CNTN3: variants seen among roughly 807,000 people sequenced by gnomAD.
The protein encoded by CNTN3 is contactin-3.
A neutral mutation model predicts 119.1 loss-of-function variants in CNTN3; 60 were observed. The observed-to-expected ratio is 0.50, with a 90% CI of 0.41 to 0.62. The LOEUF (loss-of-function observed/expected upper bound fraction) is 0.62. Among genes scored for constraint, CNTN3 ranks in the 20% least tolerant of loss-of-function variants. The probability of loss-of-function intolerance (pLI) is 0.00; values close to 1 mark genes in which losing one functional copy is unlikely to be tolerated. For synonymous variants in CNTN3, 450 were observed against 438.7 expected, an observed-to-expected ratio of 1.03 and a Z score of -0.32; for missense variants, 1,101 against 1,242.4, an observed-to-expected ratio of 0.89 and a Z score of 1.71.
At chr3:74,279,534 T>A (rs112453084) in intron 20 of CNTN3, among the ~76,000 whole-genome samples, 1 of 151,850 alleles carries the variant, frequency 6.6e-6, no homozygotes, top group Non-Finnish European at 1.5e-5. Context: ...ATGAAGTACC[T>A]CAGGAATGGA....
At chr3:74,301,315 C>T in intron 16 of CNTN3, 83 bp downstream of exon 16, 1 of 1,399,390 alleles carries the variant, frequency 7.1e-7, no homozygotes, top group South Asian at 1.3e-5. Flanking sequence ...GGCTGACCCC[C>T]TGCTGGCCTG....
At chr3:74,459,436 C>T (rs751702795) in intron 4 of CNTN3, among the ~76,000 whole-genome samples, 2 of 152,016 alleles carry the variant, frequency 1.3e-5, no homozygotes, top group Non-Finnish European at 2.9e-5. Flanking sequence ...GCTCACGCTC[C>T]TACTGACCTG....
At chr3:74,266,948 C>T (rs988711184) in intron 21 of CNTN3, among the ~76,000 whole-genome samples, 1 of 152,088 alleles carries the variant, frequency 6.6e-6, no homozygotes, top group African/African-American at 2.4e-5. Flanking sequence ...CCTTGAATGC[C>T]TGGCCATGGA....
intron 5 of CNTN3, among the ~76,000 whole-genome samples, chr3:74,401,329 T>C (rs1705185466): frequency 6.6e-6 from 1 of 152,124 alleles, no homozygotes; most frequent in South Asian, 2.1e-4. Context: ...GTAACAAAAC[T>C]AGTTTTCATA....
At chr3:74,401,515 C>CGCGT (rs1559583346) in intron 5 of CNTN3, among the ~76,000 whole-genome samples, 17 of 149,480 alleles carry the variant, frequency 1.1e-4, no homozygotes, top group South Asian at 2.1e-4. Context: ...CACGCGCGCA[C>CGCGT]GCACACACAC....
chr3:74,510,508 T>C (rs1703347007), intron 2 of CNTN3, among the ~76,000 whole-genome samples: 1 of 152,110 alleles, frequency 6.6e-6, no homozygotes, highest in Non-Finnish European at 1.5e-5. Context: ...AGTAATCTTT[T>C]GCAAACCTCA....
chr3:74,417,606 A>G (rs899674714), intron 5 of CNTN3, among the ~76,000 whole-genome samples: 2 of 152,202 alleles, frequency 1.3e-5, no homozygotes, highest in African/African-American at 4.8e-5. Context: ...GGCTCAATTA[A>G]TATTTTAAAT....
chr3:74,297,910 A>G (rs1484069687), intron 18 of CNTN3, 47 bp downstream of exon 18: 9 of 1,429,918 alleles, frequency 6.3e-6, no homozygotes, highest in Middle Eastern at 1.8e-4. Context: ...TTGGAGCACA[A>G]ATAATTATTA....
At chr3:74,464,027 T>G (rs1019979448) in intron 4 of CNTN3, among the ~76,000 whole-genome samples, 3 of 152,138 alleles carry the variant, frequency 2.0e-5, no homozygotes, top group Non-Finnish European at 4.4e-5. Context: ...TAGCTGGGCC[T>G]TAAATGCTCT....
At chr3:74,447,771 G>A (rs1702075607) in intron 4 of CNTN3, among the ~76,000 whole-genome samples, 1 of 152,156 alleles carries the variant, frequency 6.6e-6, no homozygotes, top group Non-Finnish European at 1.5e-5. Flanking sequence ...GAGTTCATAA[G>A]GGCCCGCTCT....
intron 13 of CNTN3, among the ~76,000 whole-genome samples, chr3:74,314,372 T>A (rs868786211): frequency 1.3e-5 from 2 of 152,186 alleles, no homozygotes; most frequent in African/African-American, 4.8e-5. Context: ...ATTGCCAGAA[T>A]GTATCAAAAA....
intron 1 of CNTN3, among the ~76,000 whole-genome samples, chr3:74,547,363 C>T (rs563000285): frequency 2.6e-5 from 4 of 152,196 alleles, no homozygotes; most frequent in Non-Finnish European, 4.4e-5. Flanking sequence ...TTTCGATAGC[C>T]GTCAGGTAAC....
chr3:74,358,593 T>TTGATTTA (rs1553649312), intron 11 of CNTN3, among the ~76,000 whole-genome samples: 17 of 98,660 alleles, frequency 1.7e-4, no homozygotes, highest in Non-Finnish European at 1.8e-4. Context: ...TTTTTTTTTT[T>TTGATTTA]TTGATTTATT....
chr3:74,563,760 T>C (rs1704187702), intron 1 of CNTN3, among the ~76,000 whole-genome samples: 1 of 152,156 alleles, frequency 6.6e-6, no homozygotes, highest in African/African-American at 2.4e-5. Context: ...GGTGGTACTA[T>C]CTATTCACCA....
At chr3:74,551,122 T>C (rs572613347) in intron 1 of CNTN3, among the ~76,000 whole-genome samples, 2 of 152,254 alleles carry the variant, frequency 1.3e-5, no homozygotes, top group South Asian at 2.1e-4. Flanking sequence ...ATTCCAGAAA[T>C]GGGTTTGTCT....
intron 4 of CNTN3, among the ~76,000 whole-genome samples, chr3:74,445,420 G>C (rs1702033618): frequency 6.6e-6 from 1 of 151,918 alleles, no homozygotes; most frequent in Non-Finnish European, 1.5e-5. Context: ...CTGCCACCAT[G>C]CCTGGCTAAT....
intron 19 of CNTN3, among the ~76,000 whole-genome samples, chr3:74,287,684 C>T (rs1383435376): frequency 1.3e-5 from 2 of 152,138 alleles, no homozygotes; most frequent in Admixed American, 1.3e-4. Context: ...GAACTATTGT[C>T]AGTCTGGCTC....
intron 1 of CNTN3, among the ~76,000 whole-genome samples, chr3:74,538,667 T>C (rs1703799206): frequency 6.6e-6 from 1 of 152,184 alleles, no homozygotes; most frequent in Admixed American, 6.5e-5. Flanking sequence ...TATTTTATGC[T>C]ATCAAGGATA....
intron 1 of CNTN3, among the ~76,000 whole-genome samples, chr3:74,560,350 T>C (rs1055484156): frequency 1.3e-5 from 2 of 152,208 alleles, no homozygotes; most frequent in Non-Finnish European, 2.9e-5. Context: ...GGTAATCTCA[T>C]ATCCACAGAT....
Sources: allele counts gnomAD v4.1 joint callset (sites outside exome capture counted in the v4.1 genomes callset), GRCh38; gene constraint gnomAD v4.1.1; transcripts MANE v1.5; gene names NCBI Gene and HGNC (gene_info 2026-07-23, HGNC 2026-07-21).